MIER1: variants seen among roughly 807,000 people sequenced by gnomAD.
MIER1 encodes MIER1 transcriptional regulator.
In MIER1, 40 loss-of-function variants were observed where a neutral mutation model predicts 75.7. The observed-to-expected ratio is 0.53, with a 90% confidence interval of 0.41 to 0.69. MIER1 has a LOEUF of 0.69. Ranked by LOEUF, MIER1 falls within the 30% of genes least tolerant of loss-of-function variation. MIER1 has a pLI of 0.00. For missense variants in MIER1, 574 were observed against 680.2 expected (o/e 0.84, Z 1.74); for synonymous variants, 213 against 223.4 (o/e 0.95, Z 0.42).
chr1:66,930,634 G>C (rs1050962293), intron 2 of MIER1, among the ~76,000 whole-genome samples: 1 of 151,844 alleles, frequency 6.6e-6, no homozygotes, highest in African/African-American at 2.4e-5. Flanking sequence ...AGTTTGAAGG[G>C]TAGTGCAGCG....
Position 66,928,823 on chromosome 1 carries a change from ATTGT to A in MIER1, c.168+2586_168+2589del. ...CTGTACAGTACAGTTAATGGTAAAA[ATTGT>A]TTGTAGATTTGGGAACCTTAAAGTT... On this transcript the variant is annotated intron_variant, in intron 2 of 13. Coordinates refer to ENST00000401041, the MANE Select transcript of MIER1 (RefSeq NM_001077700.3). 5 of 1,038,060 alleles carry A rather than the reference ATTGT, an allele frequency of 4.8e-6. No individual in the cohort carries two copies. The South Asian group carries it at 7.2e-5, about 15-fold the overall frequency. The allele number at this position is 1,038,060 out of a possible 1,614,324, so 64.3% of individuals were successfully genotyped here.
At chr1:66,965,254 G>A (rs376243169) in intron 8 of MIER1, among the ~76,000 whole-genome samples, 17 of 151,976 alleles carry the variant, frequency 1.1e-4, no homozygotes, top group Non-Finnish European at 1.5e-4. Flanking sequence ...TGCTTTACTC[G>A]TATAGTAGTT....
intron 7 of MIER1, among the ~76,000 whole-genome samples, chr1:66,961,650 C>G (rs1328962156): frequency 6.6e-6 from 1 of 152,140 alleles, no homozygotes. Flanking sequence ...TTCATAGATT[C>G]TAATTTAATT....
chr1:66,938,976 T>C (rs569908614), intron 2 of MIER1, among the ~76,000 whole-genome samples: 145 of 152,248 alleles, frequency 9.5e-4, no homozygotes, highest in African/African-American at 3.4e-3. Context: ...AGACACATTG[T>C]TTTTGAAAAA....
intron 2 of MIER1, among the ~76,000 whole-genome samples, chr1:66,934,571 G>GA (rs1558021522): frequency 1.6e-4 from 12 of 76,068 alleles, no homozygotes; most frequent in African/African-American, 6.9e-4. Flanking sequence ...ATCATGCCCG[G>GA]CTTTTTTTTT....
intron 4 of MIER1, chr1:66,947,950 A>G (rs1350015432): frequency 2.3e-5 from 23 of 985,304 alleles, no homozygotes; most frequent in African/African-American, 3.5e-5. Context: ...TTGCCTCCTC[A>G]GAATAGCAGC....
intron 2 of MIER1, among the ~76,000 whole-genome samples, chr1:66,929,671 C>A (rs1652613091): frequency 6.6e-6 from 1 of 152,204 alleles, no homozygotes; most frequent in Non-Finnish European, 1.5e-5. Flanking sequence ...TTGCTACCGG[C>A]ATGACAGAAG....
intron 12 of MIER1, among the ~76,000 whole-genome samples, chr1:66,977,345 A>C (rs1273174181): frequency 1.3e-5 from 2 of 152,060 alleles, no homozygotes; most frequent in Admixed American, 6.6e-5. Context: ...CCTGACCTCA[A>C]ATGATCCACC....
At chr1:66,935,160 AT>A (rs1220492115) in intron 2 of MIER1, among the ~76,000 whole-genome samples, 1 of 152,072 alleles carries the variant, frequency 6.6e-6, no homozygotes, top group Non-Finnish European at 1.5e-5. Context: ...GTAGTTAGTT[AT>A]TTCTTTACTC....
At chr1:66,973,051 A>C in intron 11 of MIER1, 60 bp downstream of exon 11, 2 of 865,278 alleles carry the variant, frequency 2.3e-6, no homozygotes, top group Non-Finnish European at 3.8e-6. Context: ...TCAAATGGTC[A>C]TGTATCGTAA....
Position 66,977,202 on chromosome 1 carries a change from C to T in MIER1, c.1229+480C>T, listed in dbSNP as rs150826407. ...TCAGCTCCCTGCAGCCTCCGTCTCC[C>T]GGCTTCAAGCGATTGTCCTGCCTCA... On this transcript the variant is annotated intron_variant, in intron 12 of 13. Coordinates refer to ENST00000401041, the MANE Select transcript of MIER1 (RefSeq NM_001077700.3). 3.7e-3 allele frequency among the ~76,000 whole-genome samples: 563 copies of T among 152,052 alleles called. 3 individuals carry two copies. Among genetic ancestry groups the T allele is most frequent in the African/African-American group, 0.013 (548 of 41,476 alleles).
intron 2 of MIER1, chr1:66,930,240 CG>C (rs887080559): frequency 6.9e-7 from 1 of 1,453,078 alleles, no homozygotes; most frequent in African/African-American, 1.5e-5. Context: ...TGGGCGCGCT[CG>C]GGCGGCTCCT....
At chr1:66,935,879 A>C (rs1654685579) in intron 2 of MIER1, among the ~76,000 whole-genome samples, 2 of 152,106 alleles carry the variant, frequency 1.3e-5, no homozygotes, top group African/African-American at 4.8e-5. Context: ...ATAGTGTTCT[A>C]TTGTTTGGAA....
intron 6 of MIER1, 80 bp downstream of exon 6, chr1:66,959,063 G>GT: frequency 3.4e-6 from 4 of 1,163,556 alleles, no homozygotes; most frequent in Non-Finnish European, 5.0e-6. Context: ...TTTTAAACTG[G>GT]TCTTTGAATT....
chr1:66,925,071 G>T lies in MIER1; in HGVS notation c.43G>T (p.Gly15Cys), dbSNP rs1651143835. ...AGGCGGTGGCGGCAGCAGCGAAGGT[G>T]GCGGCGGCAGCAGCGGCAGCGGCTG... ...SSGGGGSSEG[G>C]GGSSGSGYGV... The change falls in exon 1 of 14, where the codon GGC (glycine) becomes TGC (cysteine). Residue 15 changes from glycine to cysteine, a missense_variant. This residue lies in a region of MIER1 where 309 missense variants were observed against 352.8 expected (regional missense o/e 0.88). Transcript: ENST00000401041. 1 of 1,547,918 alleles carries T rather than the reference G, an allele frequency of 6.5e-7. No homozygotes were observed. The highest frequency in any genetic ancestry group is 1.2e-5 in the South Asian group (1 of 83,976).
intron 3 of MIER1, among the ~76,000 whole-genome samples, chr1:66,941,942 C>G (rs1656317133): frequency 7.0e-6 from 1 of 142,418 alleles, no homozygotes; most frequent in Non-Finnish European, 1.5e-5. Context: ...GCACTCCAGC[C>G]TGAGCTATAG....
chr1:66,950,386 G>A (rs1558052771), intron 4 of MIER1, among the ~76,000 whole-genome samples: 1 of 152,164 alleles, frequency 6.6e-6, no homozygotes, highest in African/African-American at 2.4e-5. Flanking sequence ...TGGGGTTACA[G>A]GCGTGAGCTA....
chr1:66,945,303 ATATATATATATAT>A (rs1657316576), intron 3 of MIER1, among the ~76,000 whole-genome samples: 1 of 59,974 alleles, frequency 1.7e-5, no homozygotes, highest in Non-Finnish European at 3.7e-5. Context: ...ATATATATAT[ATATATATATATAT>A]AAAATACCTA....
rs906624940 is a variant in MIER1, at chr1:66,988,327, ACTCT to A, written c.*3430_*3433del. Reference sequence around the variant, plus strand: ...ATACAACTTTTTACCGTAAAAATTAACTCTCTTCTTTAATATCAAGTTCATCCTT... The same window carrying A: ...ATACAACTTTTTACCGTAAAAATTAACTTCTTTAATATCAAGTTCATCCTT... On this transcript the variant is annotated 3_prime_UTR_variant, in exon 14 of 14. Coordinates refer to ENST00000401041, the MANE Select transcript of MIER1 (RefSeq NM_001077700.3). The A allele has an allele frequency of 6.6e-6, 1 of 152,288 alleles. No individual in the cohort carries two copies. The allele number at this position is 152,288 out of a possible 1,614,324, so 9.4% of individuals were successfully genotyped here.
Sources: allele counts gnomAD v4.1 joint callset (sites outside exome capture counted in the v4.1 genomes callset), GRCh38; gene constraint gnomAD v4.1.1; regional missense constraint gnomAD v4.1.1; transcripts MANE v1.5; gene names NCBI Gene and HGNC (gene_info 2026-07-23, HGNC 2026-07-21).